The following GAD2 variants were observed in gnomAD, a reference collection of about 807,000 sequenced individuals.
GAD2 encodes 65 kDa glutamic acid decarboxylase.
A neutral mutation model predicts 80.1 loss-of-function variants in GAD2; 22 were observed. The observed-to-expected ratio is 0.27, with a 90% CI of 0.20 to 0.39. The LOEUF is 0.39. Among genes scored for constraint, GAD2 ranks in the 10% least tolerant of loss-of-function variants. The pLI is 1.00. For missense variants in GAD2, 624 were observed against 738.4 expected (o/e 0.85, Z 1.80); for synonymous variants, 274 against 256.9 (o/e 1.07, Z -0.64).
Position 26,268,581 on chromosome 10 carries a change from G to T in GAD2, c.921-538G>T, listed in dbSNP as rs375524824. 6.6e-5 allele frequency among the ~76,000 whole-genome samples: 10 copies of T among 152,200 alleles called. No individual in the cohort carries two copies. The South Asian group carries it at 1.5e-3, about 22-fold the overall frequency. The stretch of plus-strand genomic sequence containing the variant: ...AAAGAAGCATTTTTAGGGTTGAAAG[G>T]ATGTTTGAAACTTGAGCCCATGAAT... On this transcript the variant is annotated intron_variant, in intron 8 of 15. Coordinates refer to ENST00000376261, the MANE Select transcript of GAD2 (RefSeq NM_001134366.2).
intron 5 of GAD2, 82 bp from the exon 6 acceptor site, chr10:26,224,457 A>C (rs1844496152): frequency 4.6e-6 from 4 of 861,588 alleles, no homozygotes; most frequent in Non-Finnish European, 5.9e-6. Flanking sequence ...TTGAAAAAGG[A>C]AATAGTTCTG....
chr10:26,263,491 G>A (rs1016066761), intron 8 of GAD2, among the ~76,000 whole-genome samples: 3 of 152,174 alleles, frequency 2.0e-5, no homozygotes, highest in Admixed American at 2.0e-4. Context: ...AAGACACGGG[G>A]AGCTCTTTTC....
intron 7 of GAD2, among the ~76,000 whole-genome samples, chr10:26,240,549 C>G (rs1039903626): frequency 1.3e-5 from 2 of 151,808 alleles, no homozygotes; most frequent in African/African-American, 4.8e-5. Flanking sequence ...CTGGCCAACA[C>G]AGCAAAAACC....
At chr10:26,280,950 G>T (rs1006981882) in intron 11 of GAD2, 59 bp from the exon 12 acceptor site, 8 of 1,085,558 alleles carry the variant, frequency 7.4e-6, no homozygotes, top group Admixed American at 1.7e-5. Flanking sequence ...GCTCAGTTGC[G>T]CATGCCCTGA....
chr10:26,232,714 G>A (rs1844619920), intron 7 of GAD2, among the ~76,000 whole-genome samples: 3 of 151,930 alleles, frequency 2.0e-5, no homozygotes, highest in Admixed American at 2.0e-4. Flanking sequence ...TGTTGGCCAC[G>A]CTGGTCTTAA....
rs58551669 is a variant in GAD2, at chr10:26,238,005, G to GACAC, written c.841-7876_841-7873dup. Among the ~76,000 whole-genome samples the GACAC allele has an allele frequency of 9.8e-3, 1,164 of 118,256 alleles. 7 individuals are homozygous for GACAC. The highest frequency in any genetic ancestry group is 0.019 in the East Asian group (86 of 4,562). The allele number at this position is 118,256 out of a possible 152,430, so 77.6% of individuals were successfully genotyped here. ...TGACAGGGCGAGACTCCATCACACA[G>GACAC]ACACACACACACACACACACACACA... On this transcript the variant is annotated intron_variant, in intron 7 of 15. Transcript: ENST00000376261.
intron 10 of GAD2, among the ~76,000 whole-genome samples, chr10:26,272,833 C>T (rs1222380384): frequency 2.0e-5 from 3 of 152,180 alleles, no homozygotes; most frequent in Non-Finnish European, 4.4e-5. Flanking sequence ...CATTGCACTC[C>T]AGCCTGGGCA....
intron 6 of GAD2, among the ~76,000 whole-genome samples, chr10:26,227,168 T>C (rs1455543754): frequency 1.3e-5 from 2 of 152,120 alleles, no homozygotes; most frequent in Non-Finnish European, 2.9e-5. Context: ...AATTTTTGTA[T>C]GTTTAGTAGA....
chr10:26,280,729 T>A lies in GAD2; in HGVS notation c.1158-280T>A, dbSNP rs1312521006. ...AATACAGTATCATGGGAGCATGGGA[T>A]GGGGGTGAGGGTTGAAAAATTACCT... On this transcript the variant is annotated intron_variant, in intron 11 of 15. Transcript: ENST00000376261. 2.6e-5 allele frequency among the ~76,000 whole-genome samples: 4 copies of A among 152,168 alleles called. No homozygotes were observed. In the South Asian group the frequency reaches 8.3e-4, roughly 32 times the overall value.
At chr10:26,253,479 G>T (rs747492405) in intron 8 of GAD2, among the ~76,000 whole-genome samples, 68 of 152,216 alleles carry the variant, frequency 4.5e-4, no homozygotes, top group Non-Finnish European at 8.8e-4. Context: ...ATTTGTGAAA[G>T]AAAACAGAGC....
intron 8 of GAD2, among the ~76,000 whole-genome samples, chr10:26,263,945 G>C (rs1035114197): frequency 6.6e-6 from 1 of 152,032 alleles, no homozygotes; most frequent in Non-Finnish European, 1.5e-5. Context: ...GTTAAGTCGG[G>C]GTAGTTGTAC....
chr10:26,224,754 T>G (rs1344315458), intron 6 of GAD2, 103 bp downstream of exon 6: 2 of 753,236 alleles, frequency 2.7e-6, no homozygotes, highest in African/African-American at 3.5e-5. Flanking sequence ...TCTGCTTAGG[T>G]TAAATAGACT....
rs756742849 is a variant in GAD2 at position 26,223,990 on chromosome 10, A to G, written c.611+13A>G. ...CAAATACTAACATGTAAGTAGCCAA[A>G]TGTGTTTTTATGTAATTTAGGATAA... On this transcript the variant is annotated intron_variant, in intron 5 of 15. Coordinates refer to ENST00000376261, the MANE Select transcript of GAD2 (RefSeq NM_001134366.2). The G allele has an allele frequency of 1.3e-6, 2 of 1,532,688 alleles. No individual in the cohort carries two copies. The highest frequency in any genetic ancestry group is 1.8e-6 in the Non-Finnish European group (2 of 1,107,196). 94.9% of individuals were successfully genotyped at this position (1,532,688 alleles called of 1,614,324 possible). A position where few individuals can be genotyped will look rare whatever the true frequency, so the allele number is the denominator to read the frequency against.
At chr10:26,252,233 T>C (rs1844888271) in intron 8 of GAD2, among the ~76,000 whole-genome samples, 1 of 152,206 alleles carries the variant, frequency 6.6e-6, no homozygotes, top group Admixed American at 6.5e-5. Context: ...TGCAGACAGT[T>C]GAAGGTTCAC....
intron 15 of GAD2, among the ~76,000 whole-genome samples, chr10:26,299,340 T>C (rs537588252): frequency 2.2e-4 from 34 of 152,350 alleles, no homozygotes; most frequent in Admixed American, 2.1e-3. Flanking sequence ...CCAGCTGTGA[T>C]AGAAGGCATG....
chr10:26,293,144 G>A (rs1834237140), intron 15 of GAD2, among the ~76,000 whole-genome samples, 153 bp downstream of exon 15: 1 of 150,450 alleles, frequency 6.6e-6, no homozygotes, highest in Non-Finnish European at 1.5e-5. Context: ...AGGACATATA[G>A]AGCCTGATAT....
At chr10:26,290,689 A>G (rs1401437325) in intron 13 of GAD2, among the ~76,000 whole-genome samples, 1 of 152,162 alleles carries the variant, frequency 6.6e-6, no homozygotes, top group Non-Finnish European at 1.5e-5. Flanking sequence ...AGAAGTGGAG[A>G]ATGATCATGA....
At chr10:26,276,031 T>G (rs1845197083) in intron 11 of GAD2, among the ~76,000 whole-genome samples, 1 of 152,000 alleles carries the variant, frequency 6.6e-6, no homozygotes, top group Admixed American at 6.6e-5. Context: ...ATGGTGGTAC[T>G]CATGGCTGTG....
chr10:26,269,231 AC>A, intron 9 of GAD2, 58 bp downstream of exon 9: 1 of 1,397,238 alleles, frequency 7.2e-7, no homozygotes, highest in Non-Finnish European at 9.9e-7. Flanking sequence ...CCACCGGAGA[AC>A]AAAATGTGTT....
Sources: allele counts gnomAD v4.1 joint callset (sites outside exome capture counted in the v4.1 genomes callset), GRCh38; gene constraint gnomAD v4.1.1; transcripts MANE v1.5; gene names NCBI Gene and HGNC (gene_info 2026-07-23, HGNC 2026-07-21).